Variants in EIF2AK4 observed in about 807,000 individuals in gnomAD.
EIF2AK4 encodes the protein eIF-2-alpha kinase GCN2.
EIF2AK4 carries 139 observed loss-of-function variants against 211.1 expected under a neutral mutation model. That is an observed-to-expected ratio of 0.66 (90% CI 0.57 to 0.76). The LOEUF (loss-of-function observed/expected upper bound fraction) is 0.76. Among genes scored for constraint, EIF2AK4 ranks in the 30% least tolerant of loss-of-function variants. The probability of loss-of-function intolerance (pLI) is 0.00; values close to 1 mark genes in which losing one functional copy is unlikely to be tolerated. For missense variants in EIF2AK4, 1,664 were observed against 2,043.8 expected (o/e 0.81, Z 3.58); for synonymous variants, 710 against 751.3 (o/e 0.94, Z 0.90).
chr15:40,022,208 GTGTGTGTATGT>G lies in EIF2AK4; in HGVS notation c.4303-305_4303-295del, dbSNP rs1371631679. The G allele has an allele frequency of 6.0e-4, 140 of 233,468 alleles. 1 individual carries two copies. The highest frequency in any genetic ancestry group is 3.3e-3 in the African/African-American group (134 of 40,730). The allele number at this position is 233,468 out of a possible 1,614,324, so 14.5% of individuals were successfully genotyped here. ...TGTGTGTGTGTGTGTGTGTGTGTGT[GTGTGTGTATGT>G]TGTGTTGTATAATTTTGGGCATCTT... On this transcript the variant is annotated intron_variant, in intron 31 of 38. Coordinates refer to ENST00000263791, the MANE Select transcript of EIF2AK4 (RefSeq NM_001013703.4).
intron 27 of EIF2AK4, 58 bp downstream of exon 27, chr15:40,011,404 A>C: frequency 6.9e-7 from 1 of 1,448,906 alleles, no homozygotes; most frequent in Non-Finnish European, 9.6e-7. Flanking sequence ...GATACCAGAA[A>C]ATGTCATCAA....
At chr15:39,965,568 C>T (rs2034532220) in intron 7 of EIF2AK4, 118 bp from the exon 8 acceptor site, 1 of 1,164,764 alleles carries the variant, frequency 8.6e-7, no homozygotes, top group Non-Finnish European at 1.2e-6. Context: ...TCCTATTTTC[C>T]ATAGTTAGCG....
In EIF2AK4 at chr15:40,030,434, C is replaced by G; in HGVS notation, c.4637C>G (p.Thr1546Ser). Residue 1546 changes from threonine to serine, a missense_variant, in exon 35 of 39, where the codon ACT (threonine) becomes AGT (serine). Physicochemically the swap from Thr to Ser is moderately conservative, Grantham distance 58. This residue lies in a region of EIF2AK4 where 138 missense variants were observed against 165.1 expected (regional missense o/e 0.84). Coordinates refer to ENST00000263791, the MANE Select transcript of EIF2AK4 (RefSeq NM_001013703.4). ...GCCCCGGAGAAGCTGTCAGCCAGCA[C>G]TAGGAGGCGCTATGAAACTCAGGTA... ...VLAPEKLSAS[T>S]RRRYETQVQT... 6.2e-7 allele frequency: 1 copy of G among 1,614,016 alleles called. No homozygotes were observed. The highest frequency in any genetic ancestry group is 8.5e-7 in the Non-Finnish European group (1 of 1,179,984).
chr15:39,967,495 A>G lies in EIF2AK4; in HGVS notation c.1169A>G (p.His390Arg). 6.2e-7 allele frequency: 1 copy of G among 1,613,978 alleles called. No homozygotes were observed. The highest frequency in any genetic ancestry group is 8.5e-7 in the Non-Finnish European group (1 of 1,179,996). Reference sequence around the variant, plus strand: ...ATTAGTGGGGTCTCTCTTGCTGCACACCTGAGCCACTCAGGCCCCATCCCT... The same window carrying G: ...ATTAGTGGGGTCTCTCTTGCTGCACGCCTGAGCCACTCAGGCCCCATCCCT... Reference protein sequence around the residue: ...EHISGVSLAAHLSHSGPIPVH... With the variant: ...EHISGVSLAARLSHSGPIPVH... The change falls in exon 9 of 39, where the codon CAC becomes CGC. Residue 390 changes from histidine to arginine, a missense_variant. His to Arg is a conservative substitution (Grantham distance 29). This residue lies in a region of EIF2AK4 where 641 missense variants were observed against 729.6 expected (regional missense o/e 0.88). Coordinates refer to ENST00000263791, the MANE Select transcript of EIF2AK4 (RefSeq NM_001013703.4).
chr15:40,012,856 T>C (rs2035252554), intron 27 of EIF2AK4, among the ~76,000 whole-genome samples: 1 of 152,216 alleles, frequency 6.6e-6, no homozygotes, highest in Admixed American at 6.5e-5. Flanking sequence ...TTTGGTACTT[T>C]GATTATTTTA....
chr15:39,935,172 T>C (rs1042571856), intron 1 of EIF2AK4, among the ~76,000 whole-genome samples: 2 of 152,218 alleles, frequency 1.3e-5, no homozygotes, highest in African/African-American at 4.8e-5. Flanking sequence ...CCTTTTAAAA[T>C]GGCATTTTGT....
Position 39,962,578 on chromosome 15 carries a change from C to T in EIF2AK4, c.859+679C>T, listed in dbSNP as rs190424243. ...GGCTCACTCAATATTCTCCCCTCAG[C>T]CTCCTGAATAGCTAGGACTACAGTA... On this transcript the variant is annotated intron_variant, in intron 7 of 38. Transcript: ENST00000263791. Among the ~76,000 whole-genome samples the T allele has an allele frequency of 5.3e-5, 8 of 152,306 alleles. No individual in the cohort carries two copies. The East Asian group carries it at 1.5e-3, about 29-fold the overall frequency.
chr15:39,987,649 G>A (rs1459007674), intron 14 of EIF2AK4, among the ~76,000 whole-genome samples: 1 of 152,120 alleles, frequency 6.6e-6, no homozygotes, highest in Non-Finnish European at 1.5e-5. Context: ...TTTGGGTTTG[G>A]AAGCGATCTT....
chr15:39,981,283 T>C (rs2034780001), intron 13 of EIF2AK4, among the ~76,000 whole-genome samples: 2 of 151,992 alleles, frequency 1.3e-5, no homozygotes, highest in African/African-American at 2.4e-5. Context: ...GGCAGGAGAA[T>C]TGCTTGAACT....
chr15:40,033,402 T>A (rs1483050132), intron 37 of EIF2AK4, among the ~76,000 whole-genome samples: 2 of 152,134 alleles, frequency 1.3e-5, no homozygotes, highest in African/African-American at 4.8e-5. Context: ...ATATATATAT[T>A]TTTACAGGTA....
At chr15:40,031,014 C>T (rs1490922512) in intron 35 of EIF2AK4, among the ~76,000 whole-genome samples, 5 of 152,044 alleles carry the variant, frequency 3.3e-5, no homozygotes, top group African/African-American at 4.8e-5. Context: ...CCGAGGAGGG[C>T]GGATCACTTG....
Position 40,008,040 on chromosome 15 carries a change from C to A in EIF2AK4, c.3421C>A (p.Arg1141Ser). The A allele has an allele frequency of 1.3e-6, 2 of 1,598,924 alleles. No homozygotes were observed. The highest frequency in any genetic ancestry group is 1.7e-6 in the Non-Finnish European group (2 of 1,173,564). ...ILNLKRYCIE[R>S]VFRPRKLDRF... ...TTCTCTCTCCAGATACTGCATAGAA[C>A]GTGTGTTCAGGCCGCGCAAGTTAGA... Residue 1141 changes from arginine to serine, a missense_variant, in exon 25 of 39, where the codon CGT becomes AGT. Physicochemically the swap from Arg to Ser is moderately radical, Grantham distance 110 (BLOSUM62 -1). Around this residue, in one of 7 missense-constraint regions of EIF2AK4, gnomAD observed 622 missense variants for 796.8 expected, o/e 0.78. Transcript: ENST00000263791.
At chr15:39,966,037 T>G (rs928279593) in intron 8 of EIF2AK4, among the ~76,000 whole-genome samples, 194 bp downstream of exon 8, 23 of 152,206 alleles carry the variant, frequency 1.5e-4, no homozygotes, top group Non-Finnish European at 1.5e-5. Context: ...TTTCACAACA[T>G]GATCAAAGCA....
chr15:39,935,589 TG>T (rs2034053712), intron 1 of EIF2AK4, among the ~76,000 whole-genome samples: 1 of 152,128 alleles, frequency 6.6e-6, no homozygotes, highest in South Asian at 2.1e-4. Flanking sequence ...CCTTGGCCTC[TG>T]AAAGTGCTGG....
intron 33 of EIF2AK4, among the ~76,000 whole-genome samples, chr15:40,028,636 A>C (rs891103041): frequency 6.6e-6 from 1 of 152,162 alleles, no homozygotes; most frequent in African/African-American, 2.4e-5. Flanking sequence ...TGTTCTTCTC[A>C]TGCCCCCACC....
In EIF2AK4 at chr15:40,032,604, C is replaced by G. The variant is rs56297408; in HGVS notation, c.4729-153C>G. Among the ~76,000 whole-genome samples, 456 of 152,340 alleles carry G rather than the reference C, an allele frequency of 3.0e-3. 2 individuals carry two copies. The highest frequency in any genetic ancestry group is 4.9e-3 in the Non-Finnish European group (333 of 68,030). ...CTTATTAATTCTCCAGGGCTAAGAT[C>G]TTATCACTGCACAGTTCATTAAGCC... On this transcript the variant is annotated intron_variant, in intron 36 of 38. Coordinates refer to ENST00000263791, the MANE Select transcript of EIF2AK4 (RefSeq NM_001013703.4).
chr15:39,952,180 A>G (rs1375697005), intron 4 of EIF2AK4, among the ~76,000 whole-genome samples: 1 of 152,148 alleles, frequency 6.6e-6, no homozygotes, highest in Non-Finnish European at 1.5e-5. Context: ...AAAATCTTAC[A>G]TATTTATTTA....
chr15:40,003,193 G>C lies in EIF2AK4; in HGVS notation c.3236G>C (p.Gly1079Ala). 1 of 1,613,984 alleles carries C rather than the reference G, an allele frequency of 6.2e-7. No individual in the cohort carries two copies. ...ETIIRIFKRH[G>A]AVQLCTPLLL... ...AGCTATTTTTTCTCATTTGGTGTAG[G>C]AGCTGTTCAGTTGTGTACTCCACTA... Residue 1079 changes from glycine to alanine, a missense_variant and splice_region_variant, in exon 23 of 39, where the codon GGA becomes GCA. By Grantham distance (60) the Gly-to-Ala change is moderately conservative (BLOSUM62 0). This residue lies in a region of EIF2AK4 where 622 missense variants were observed against 796.8 expected (regional missense o/e 0.78). Coordinates refer to ENST00000263791, the MANE Select transcript of EIF2AK4 (RefSeq NM_001013703.4).
intron 28 of EIF2AK4, 52 bp downstream of exon 28, chr15:40,016,724 C>G: frequency 6.4e-7 from 1 of 1,571,868 alleles, no homozygotes; most frequent in Non-Finnish European, 8.7e-7. Flanking sequence ...TTACTAATAG[C>G]ACAGGGAGGA....
Sources: gnomAD v4.1 joint callset for allele counts (sites outside exome capture counted in the v4.1 genomes callset) on GRCh38, gnomAD v4.1.1 for gene constraint, gnomAD v4.1.1 regional missense constraint, MANE v1.5 for transcripts, NCBI Gene and HGNC (gene_info 2026-07-23, HGNC 2026-07-21) for gene names.